Variants in CFAP299 observed in about 807,000 individuals in gnomAD.
The protein encoded by CFAP299 is cilia and flagella associated protein 299.
In CFAP299, 21 loss-of-function variants were observed where a neutral mutation model predicts 27.0. The ratio of observed to expected loss-of-function variants is 0.78; its 90% CI spans 0.55 to 1.12. CFAP299 has a LOEUF of 1.12. Ranked by LOEUF, CFAP299 falls within the 50% of genes most tolerant of loss-of-function variation. The pLI is 0.00. For synonymous variants in CFAP299, 104 were observed against 98.1 expected, an observed-to-expected ratio of 1.06 and a Z score of -0.36; for missense variants, 310 against 276.6, an observed-to-expected ratio of 1.12 and a Z score of -0.86.
intron 2 of CFAP299, among the ~76,000 whole-genome samples, chr4:80,425,058 G>A (rs6821676): frequency 0.64 from 97,073 of 151,784 alleles, 33,683 homozygotes; most frequent in Non-Finnish European, 0.76. Context: ...AGCCCTCTAA[G>A]ACATACGGTA....
intron 2 of CFAP299, among the ~76,000 whole-genome samples, chr4:80,552,785 T>G (rs1258811586): frequency 6.6e-6 from 1 of 152,046 alleles, no homozygotes; most frequent in African/African-American, 2.4e-5. Flanking sequence ...ACTCCTTCAC[T>G]CAAGCAGTCC....
chr4:80,443,965 C>G (rs1728490066), intron 2 of CFAP299, among the ~76,000 whole-genome samples: 1 of 152,138 alleles, frequency 6.6e-6, no homozygotes, highest in Non-Finnish European at 1.5e-5. Flanking sequence ...AGGAATCCAA[C>G]TTACAAGAGA....
intron 4 of CFAP299, among the ~76,000 whole-genome samples, chr4:80,907,148 CT>C (rs1440977629): frequency 6.6e-6 from 1 of 152,176 alleles, no homozygotes; most frequent in African/African-American, 2.4e-5. Flanking sequence ...AAAATGCTAC[CT>C]TTAGCTCATT....
At chr4:80,599,365 A>G (rs899453274) in intron 3 of CFAP299, among the ~76,000 whole-genome samples, 1 of 152,084 alleles carries the variant, frequency 6.6e-6, no homozygotes, top group Non-Finnish European at 1.5e-5. Flanking sequence ...TGCTTTTCTA[A>G]CTCGTTATTA....
At chr4:80,551,437 AAGAT>A (rs1311913936) in intron 2 of CFAP299, among the ~76,000 whole-genome samples, 8 of 152,154 alleles carry the variant, frequency 5.3e-5, no homozygotes, top group African/African-American at 9.7e-5. Flanking sequence ...ACATTATAGA[AAGAT>A]AGAGGTAAAA....
chr4:80,908,917 C>T (rs1735321422), intron 4 of CFAP299, among the ~76,000 whole-genome samples: 1 of 152,072 alleles, frequency 6.6e-6, no homozygotes, highest in East Asian at 1.9e-4. Flanking sequence ...CACACACACA[C>T]ACATACACAC....
chr4:80,688,371 GGTCCCTGACC>G (rs1403071815), intron 3 of CFAP299, among the ~76,000 whole-genome samples: 1 of 151,314 alleles, frequency 6.6e-6, no homozygotes, highest in African/African-American at 2.4e-5. Context: ...TCCTCAAGTG[GGTCCCTGACC>G]CCTGACCCAT....
intron 2 of CFAP299, among the ~76,000 whole-genome samples, chr4:80,546,908 C>G (rs906284778): frequency 6.6e-6 from 1 of 151,918 alleles, no homozygotes; most frequent in Admixed American, 6.6e-5. Flanking sequence ...CAAGAATGGT[C>G]TAACATAGAT....
chr4:80,816,028 A>G (rs1277856862), intron 3 of CFAP299, among the ~76,000 whole-genome samples: 2 of 152,028 alleles, frequency 1.3e-5, no homozygotes, highest in Non-Finnish European at 2.9e-5. Context: ...TTGAACCTAG[A>G]AAAAGAAAAC....
At chr4:80,491,504 G>A (rs1393476173) in intron 2 of CFAP299, among the ~76,000 whole-genome samples, 3 of 151,972 alleles carry the variant, frequency 2.0e-5, no homozygotes, top group Non-Finnish European at 4.4e-5. Context: ...TCTATTTAAA[G>A]GAATTTTTTG....
chr4:80,701,347 A>G (rs930072357), intron 3 of CFAP299, among the ~76,000 whole-genome samples: 4 of 152,086 alleles, frequency 2.6e-5, no homozygotes, highest in African/African-American at 4.8e-5. Context: ...TCTGAATTCA[A>G]ACATTCAGTT....
chr4:80,514,585 G>C (rs1480466640), intron 2 of CFAP299, among the ~76,000 whole-genome samples: 1 of 151,950 alleles, frequency 6.6e-6, no homozygotes, highest in African/African-American at 2.4e-5. Context: ...AAGCCCACTG[G>C]TCCCTTGATG....
intron 3 of CFAP299, among the ~76,000 whole-genome samples, chr4:80,618,816 G>A (rs752052650): frequency 2.0e-5 from 3 of 151,864 alleles, no homozygotes; most frequent in Non-Finnish European, 4.4e-5. Context: ...TGTAATAAGG[G>A]TAAGTATAAT....
intron 2 of CFAP299, among the ~76,000 whole-genome samples, chr4:80,478,486 T>G (rs1730391083): frequency 6.6e-6 from 1 of 152,168 alleles, no homozygotes; most frequent in South Asian, 2.1e-4. Flanking sequence ...TCATTATAAT[T>G]ATTTTTAATT....
chr4:80,650,843 G>C (rs1438112475), intron 3 of CFAP299, among the ~76,000 whole-genome samples: 1 of 151,852 alleles, frequency 6.6e-6, no homozygotes, highest in East Asian at 1.9e-4. Flanking sequence ...ATGACACAAT[G>C]GACTTTGGGA....
chr4:80,766,598 G>A (rs914226936), intron 3 of CFAP299, among the ~76,000 whole-genome samples: 1 of 152,086 alleles, frequency 6.6e-6, no homozygotes, highest in Admixed American at 6.5e-5. Flanking sequence ...GAATGACATT[G>A]AGTTTTGGAA....
At chr4:80,457,659 A>G (rs1319813571) in intron 2 of CFAP299, among the ~76,000 whole-genome samples, 2 of 151,982 alleles carry the variant, frequency 1.3e-5, no homozygotes, top group Non-Finnish European at 2.9e-5. Flanking sequence ...TTTCTTCTTG[A>G]CCTTGGAGCA....
intron 2 of CFAP299, among the ~76,000 whole-genome samples, chr4:80,388,883 G>A (rs1181108848): frequency 2.6e-5 from 4 of 151,920 alleles, no homozygotes; most frequent in Non-Finnish European, 5.9e-5. Flanking sequence ...GTAAGGCATT[G>A]TAGTACATGA....
intron 3 of CFAP299, among the ~76,000 whole-genome samples, chr4:80,653,340 T>G (rs1740401964): frequency 6.6e-6 from 1 of 152,126 alleles, no homozygotes; most frequent in Non-Finnish European, 1.5e-5. Flanking sequence ...TCTCCTTTTC[T>G]CCATCCCTCT....
Sources: gnomAD v4.1 joint callset for allele counts (sites outside exome capture counted in the v4.1 genomes callset) on GRCh38, gnomAD v4.1.1 for gene constraint, MANE v1.5 for transcripts, NCBI Gene and HGNC (gene_info 2026-07-23, HGNC 2026-07-21) for gene names.